The following ITIH5 variants were observed in gnomAD, a reference collection of about 807,000 sequenced individuals.
The protein encoded by ITIH5 is inter-alpha-trypsin inhibitor heavy chain H5.
ITIH5 carries 65 observed loss-of-function variants against 77.5 expected under a neutral mutation model. The ratio of observed to expected loss-of-function variants is 0.84; its 90% CI spans 0.69 to 1.03. ITIH5 has a LOEUF of 1.03. Ranked by LOEUF, ITIH5 falls within the 50% of genes least tolerant of loss-of-function variation. The pLI, the probability that ITIH5 is intolerant of heterozygous loss-of-function variation, is 0.00. For missense variants in ITIH5, 1,208 were observed against 1,213.1 expected, an observed-to-expected ratio of 1.00 and a Z score of 0.06; for synonymous variants, 525 against 494.3, an observed-to-expected ratio of 1.06 and a Z score of -0.82.
In ITIH5 at chr10:7,572,292, T is replaced by C. The variant is rs372728119; in HGVS notation, c.2032+850A>G. 24 of 1,365,130 alleles carry C rather than the reference T, an allele frequency of 1.8e-5. No individual in the cohort carries two copies. The African/African-American group carries it at 3.5e-4, about 20-fold the overall frequency. The allele number at this position is 1,365,130 out of a possible 1,614,324, so 84.6% of individuals were successfully genotyped here. The stretch of plus-strand genomic sequence containing the variant: ...CTGGACACAGCAGAACAAAACCCAG[T>C]CATAGGTTGTTCTTTCCTCTGAATT... On this transcript the variant is annotated intron_variant, in intron 11 of 13. Transcript: ENST00000397146.
In ITIH5 at chr10:7,576,623, T is replaced by C; in HGVS notation, c.1808A>G (p.Gln603Arg). ...GCTCACAGCCAGGGCCTGGGCCCGC[T>C]GCCGCAGCCGCTCCTTCTCCGGTTC... ...DDEPEKERLRQRAQALAVSYR... is the reference protein window; with the variant it reads ...DDEPEKERLRRRAQALAVSYR... Residue 603 changes from glutamine to arginine, a missense_variant, in exon 10 of 14, where the codon CAG becomes CGG. Coordinates refer to ENST00000397146, the MANE Select transcript of ITIH5 (RefSeq NM_030569.7). 1 of 1,614,144 alleles carries C rather than the reference T, an allele frequency of 6.2e-7. No individual in the cohort carries two copies. Among genetic ancestry groups the C allele is most frequent in the African/African-American group, 1.3e-5 (1 of 75,068 alleles).
At chr10:7,606,387 C>T (rs187415718) in intron 7 of ITIH5, among the ~76,000 whole-genome samples, 91 of 152,226 alleles carry the variant, frequency 6.0e-4, no homozygotes, top group East Asian at 3.9e-4. Context: ...ATAAAGAAAA[C>T]GTGGTACAAA....
In ITIH5 at chr10:7,573,126, G is replaced by T. The variant is rs369903880; in HGVS notation, c.2032+16C>A. The T allele has an allele frequency of 1.9e-6, 3 of 1,608,870 alleles. No homozygotes were observed. Among genetic ancestry groups the T allele is most frequent in the Admixed American group, 1.7e-5 (1 of 59,948 alleles). On this transcript the variant is annotated intron_variant, in intron 11 of 13. Coordinates refer to ENST00000397146, the MANE Select transcript of ITIH5 (RefSeq NM_030569.7). ...TCTTACTCTCAATCCACACACAACC[G>T]CATCCTTTGCTTTACCTGATGTTTT...
intron 7 of ITIH5, among the ~76,000 whole-genome samples, chr10:7,599,560 A>G (rs2131003337): frequency 6.6e-6 from 1 of 151,800 alleles, no homozygotes; most frequent in Non-Finnish European, 1.5e-5. Flanking sequence ...TTGGTGTCGG[A>G]CTCTCCATCT....
chr10:7,641,749 GGAAT>G (rs750335048), intron 3 of ITIH5, among the ~76,000 whole-genome samples, 174 bp downstream of exon 3: 1 of 151,118 alleles, frequency 6.6e-6, no homozygotes, highest in African/African-American at 2.4e-5. Context: ...AAGAAGAAAA[GGAAT>G]GAATGAATGA....
intron 13 of ITIH5, among the ~76,000 whole-genome samples, chr10:7,564,166 C>T (rs569525356): frequency 2.0e-5 from 3 of 152,210 alleles, no homozygotes; most frequent in African/African-American, 7.2e-5. Context: ...GGAACTGGAC[C>T]CTCAGGTGAC....
At chr10:7,589,051 C>T (rs12765304) in intron 7 of ITIH5, among the ~76,000 whole-genome samples, 45,670 of 152,212 alleles carry the variant, frequency 0.3, 7,409 homozygotes, top group East Asian at 0.49. Flanking sequence ...TGCAGCAAAT[C>T]TGGGGATCTC....
chr10:7,601,653 GC>G (rs1833018485), intron 7 of ITIH5, among the ~76,000 whole-genome samples: 1 of 152,132 alleles, frequency 6.6e-6, no homozygotes, highest in Non-Finnish European at 1.5e-5. Flanking sequence ...CCCCAGGAAT[GC>G]ATGTGAACAC....
At chr10:7,640,561 T>C (rs983506621) in intron 4 of ITIH5, among the ~76,000 whole-genome samples, 193 bp downstream of exon 4, 2 of 150,886 alleles carry the variant, frequency 1.3e-5, no homozygotes, top group Non-Finnish European at 2.9e-5. Flanking sequence ...GAGAGATAAA[T>C]ATGGTAAAAT....
intron 7 of ITIH5, among the ~76,000 whole-genome samples, chr10:7,598,355 C>G (rs551728198): frequency 2.0e-5 from 3 of 152,124 alleles, no homozygotes; most frequent in Non-Finnish European, 2.9e-5. Flanking sequence ...ATGGCAGAAA[C>G]TAATTAGCTT....
intron 9 of ITIH5, 114 bp from the exon 10 acceptor site, chr10:7,577,126 A>G (rs891180705): frequency 1.9e-5 from 16 of 853,076 alleles, no homozygotes; most frequent in African/African-American, 1.0e-4. Flanking sequence ...TTTAGAAGCA[A>G]TTGAGTCCAA....
rs1832135835 is a variant in ITIH5, at chr10:7,565,652, A to C, written c.2527+378T>G. On this transcript the variant is annotated intron_variant, in intron 13 of 13. Transcript: ENST00000397146. ...GTATATATGTATAGACTGTATATAT[A>C]TACACACACATACATATACAGACCA... Among the ~76,000 whole-genome samples the C allele has an allele frequency of 2.7e-5, 4 of 148,814 alleles. No individual in the cohort carries two copies. In the South Asian group the frequency reaches 8.3e-4, roughly 31 times the overall value.
intron 7 of ITIH5, among the ~76,000 whole-genome samples, chr10:7,589,873 G>A (rs1832757715): frequency 1.3e-5 from 2 of 151,834 alleles, no homozygotes; most frequent in African/African-American, 2.4e-5. Flanking sequence ...TAGCTTCCCC[G>A]GCTCCTCCCT....
At chr10:7,656,642 A>T (rs1195857708) in intron 1 of ITIH5, among the ~76,000 whole-genome samples, 1 of 152,186 alleles carries the variant, frequency 6.6e-6, no homozygotes, top group African/African-American at 2.4e-5. Flanking sequence ...AGAAGTGTAA[A>T]CTATTGTTGC....
At chr10:7,585,140 G>T (rs191434812) in intron 8 of ITIH5, among the ~76,000 whole-genome samples, 2 of 152,208 alleles carry the variant, frequency 1.3e-5, no homozygotes, top group African/African-American at 4.8e-5. Flanking sequence ...GAAAGGAAGG[G>T]GGAGGGAGTA....
At chr10:7,581,724 T>C (rs899795338) in intron 8 of ITIH5, among the ~76,000 whole-genome samples, 1 of 59,284 alleles carries the variant, frequency 1.7e-5, no homozygotes, top group Non-Finnish European at 3.9e-5. Flanking sequence ...TTTCCTTCTT[T>C]TTTTTTTTTT....
intron 7 of ITIH5, among the ~76,000 whole-genome samples, chr10:7,610,730 G>T (rs1449269400): frequency 2.6e-5 from 4 of 152,216 alleles, no homozygotes; most frequent in Non-Finnish European, 4.4e-5. Context: ...TGGAGATGCT[G>T]AGAACTGCAA....
intron 3 of ITIH5, 58 bp downstream of exon 3, chr10:7,641,869 A>C: frequency 6.7e-7 from 1 of 1,495,648 alleles, no homozygotes; most frequent in East Asian, 2.3e-5. Context: ...CTCACATCTC[A>C]GGCTCAACCT....
chr10:7,616,718 C>T (rs1434825011), intron 6 of ITIH5, among the ~76,000 whole-genome samples: 2 of 152,092 alleles, frequency 1.3e-5, no homozygotes, highest in Non-Finnish European at 2.9e-5. Context: ...ATCTCAGCTA[C>T]TCGGGAGGCT....
Sources: allele counts gnomAD v4.1 joint callset (sites outside exome capture counted in the v4.1 genomes callset), GRCh38; gene constraint gnomAD v4.1.1; transcripts MANE v1.5; gene names NCBI Gene and HGNC (gene_info 2026-07-23, HGNC 2026-07-21).